RAB38: variants seen among roughly 807,000 people sequenced by gnomAD.
RAB38 encodes ras-related protein Rab-38.
Under a neutral mutation model 18.4 loss-of-function variants are expected in RAB38, and 15 were observed. That is an observed-to-expected ratio of 0.82 (90% CI 0.55 to 1.26). The LOEUF (loss-of-function observed/expected upper bound fraction) is 1.26. Ranked by LOEUF, RAB38 falls within the 50% of genes most tolerant of loss-of-function variation. The pLI is 0.00. For synonymous variants in RAB38, 101 were observed against 104.4 expected, an observed-to-expected ratio of 0.97 and a Z score of 0.20; for missense variants, 294 against 267.4, an observed-to-expected ratio of 1.10 and a Z score of -0.69.
chr11:87,976,556 T>A, the RAB38 span, among the ~76,000 whole-genome samples: 1 of 124,836 alleles, frequency 8.0e-6, no homozygotes, highest in African/African-American at 3.0e-5. Context: ...TTATATATAC[T>A]TATATAACTA....
the RAB38 span, among the ~76,000 whole-genome samples, chr11:87,911,338 T>C: frequency 6.6e-6 from 1 of 152,072 alleles, no homozygotes; most frequent in African/African-American, 2.4e-5. Context: ...TTTGAAGGAA[T>C]TGAATCTATA....
the RAB38 span, among the ~76,000 whole-genome samples, chr11:87,969,599 A>C: frequency 6.6e-6 from 1 of 152,194 alleles, no homozygotes; most frequent in Admixed American, 6.6e-5. Flanking sequence ...GAGGCAAGTC[A>C]AAATAATGCA....
chr11:87,976,992 TATACAA>T, the RAB38 span, among the ~76,000 whole-genome samples: 162 of 27,352 alleles, frequency 5.9e-3, 66 homozygotes, highest in Admixed American at 9.5e-3. Flanking sequence ...ATAATTACAT[TATACAA>T]GTATATTATA....
At chr11:87,937,311 C>CATATATATAT in the RAB38 span, among the ~76,000 whole-genome samples, 1,327 of 82,412 alleles carry the variant, frequency 0.016, 68 homozygotes, top group African/African-American at 0.021. Flanking sequence ...ACTTGGTCAT[C>CATATATATAT]ATATATATAT....
At chr11:87,923,869 T>C in the RAB38 span, among the ~76,000 whole-genome samples, 200 of 151,414 alleles carry the variant, frequency 1.3e-3, 2 homozygotes, top group South Asian at 0.015. Context: ...CCAGAGAGAA[T>C]AGTTAACATT....
the RAB38 span, among the ~76,000 whole-genome samples, chr11:88,047,051 C>T: frequency 6.6e-6 from 1 of 152,198 alleles, no homozygotes; most frequent in Non-Finnish European, 1.5e-5. Context: ...GCAGCCGCTG[C>T]CGCCCTAATA....
Position 88,114,104 on chromosome 11 carries a change from C to T in RAB38, c.520G>A (p.Val174Met). 1 of 1,614,160 alleles carries T rather than the reference C, an allele frequency of 6.2e-7. No individual in the cohort carries two copies. The highest frequency in any genetic ancestry group is 8.5e-7 in the Non-Finnish European group (1 of 1,180,004). Residue 174 changes from valine to methionine, a missense_variant, in exon 3 of 3, where the codon GTG becomes ATG. By Grantham distance (21) the Val-to-Met change is conservative. Transcript: ENST00000243662. Reference protein sequence around the residue: ...INIDEASRCLVKHILANECDL... With the variant: ...INIDEASRCLMKHILANECDL... ...CACTCATTTGCAAGTATGTGTTTCA[C>T]CAGGCATCTGGAGGCTTCATCAATG...
At chr11:87,960,665 T>C in the RAB38 span, among the ~76,000 whole-genome samples, 106 of 152,320 alleles carry the variant, frequency 7.0e-4, no homozygotes, top group African/African-American at 2.5e-3. Context: ...GGTGAGCGAC[T>C]AACCTGCATT....
the RAB38 span, among the ~76,000 whole-genome samples, chr11:87,908,549 C>A: frequency 5.9e-5 from 9 of 152,118 alleles, no homozygotes; most frequent in African/African-American, 1.9e-4. Context: ...CTGAATTAAT[C>A]ACAGTCTAAT....
the RAB38 span, among the ~76,000 whole-genome samples, chr11:87,893,390 A>AGATTTTTTTTTT: frequency 1.1e-5 from 1 of 93,916 alleles, no homozygotes; most frequent in Non-Finnish European, 2.1e-5. Context: ...ATATATATAT[A>AGATTTTTTTTTT]TTTTTTTTTT....
chr11:87,863,682 A>C, the RAB38 span, among the ~76,000 whole-genome samples: 1 of 151,752 alleles, frequency 6.6e-6, no homozygotes, highest in African/African-American at 2.4e-5. Context: ...TGATAGAATC[A>C]CTTTCTGCTT....
intron 2 of RAB38, among the ~76,000 whole-genome samples, chr11:88,125,401 C>CT (rs1319635687): frequency 1.3e-5 from 2 of 152,078 alleles, no homozygotes; most frequent in African/African-American, 4.8e-5. Context: ...ACAAACATAA[C>CT]TTTTTTGGAA....
At chr11:87,841,323 TGA>T in the RAB38 span, among the ~76,000 whole-genome samples, 1 of 152,104 alleles carries the variant, frequency 6.6e-6, no homozygotes, top group African/African-American at 2.4e-5. Flanking sequence ...GATGGTTTCA[TGA>T]GAGACTTTTT....
the RAB38 span, among the ~76,000 whole-genome samples, chr11:87,867,747 T>C: frequency 6.6e-6 from 1 of 151,818 alleles, no homozygotes; most frequent in South Asian, 2.1e-4. Flanking sequence ...CTATTCTGTG[T>C]GTTTTAAATG....
intron 2 of RAB38, among the ~76,000 whole-genome samples, chr11:88,135,816 T>C: frequency 6.6e-6 from 1 of 152,192 alleles, no homozygotes; most frequent in East Asian, 1.9e-4. Flanking sequence ...TTCAGAAACA[T>C]ATAGTATCCT....
At chr11:87,959,488 A>G in the RAB38 span, among the ~76,000 whole-genome samples, 6 of 152,212 alleles carry the variant, frequency 3.9e-5, no homozygotes, top group Non-Finnish European at 2.9e-5. Flanking sequence ...GCATTTGTGG[A>G]ATAATTCCTC....
the RAB38 span, among the ~76,000 whole-genome samples, chr11:87,962,834 T>C: frequency 6.6e-6 from 1 of 152,172 alleles, no homozygotes; most frequent in East Asian, 1.9e-4. Context: ...AAATAAGTAT[T>C]TCAAGTGATG....
the RAB38 span, among the ~76,000 whole-genome samples, chr11:87,882,540 T>C: frequency 2.6e-5 from 4 of 152,026 alleles, no homozygotes; most frequent in South Asian, 8.3e-4. Flanking sequence ...CCAATTTTTA[T>C]GAATCATTTG....
chr11:88,033,041 G>A, the RAB38 span, among the ~76,000 whole-genome samples: 10 of 152,122 alleles, frequency 6.6e-5, no homozygotes, highest in African/African-American at 9.7e-5. Context: ...GGAATACTAT[G>A]CAGCCATAAA....
Sources: gnomAD v4.1 joint callset for allele counts (sites outside exome capture counted in the v4.1 genomes callset) on GRCh38, gnomAD v4.1.1 for gene constraint, MANE v1.5 for transcripts, NCBI Gene and HGNC (gene_info 2026-07-23, HGNC 2026-07-21) for gene names.